MROH1: variants seen among roughly 807,000 people sequenced by gnomAD.
MROH1 encodes the protein maestro heat like repeat family member 1.
A neutral mutation model predicts 116.5 loss-of-function variants in MROH1; 117 were observed. That is an observed-to-expected ratio of 1.00 (90% CI 0.86 to 1.17). The LOEUF is 1.17. Among genes scored for constraint, MROH1 ranks in the 50% most tolerant of loss-of-function variants. The probability of loss-of-function intolerance (pLI) is 0.00; values close to 1 mark genes in which losing one functional copy is unlikely to be tolerated. For missense variants in MROH1, 1,873 were observed against 1,338.5 expected (o/e 1.40, Z -6.23); for synonymous variants, 921 against 583.9 (o/e 1.58, Z -8.32).
At chr8:144,233,477 C>G (rs1839369194) in intron 14 of MROH1, among the ~76,000 whole-genome samples, 1 of 151,208 alleles carries the variant, frequency 6.6e-6, no homozygotes, top group Non-Finnish European at 1.5e-5. Flanking sequence ...CCTTCTCTCT[C>G]CCGCAGCTCC....
intron 14 of MROH1, among the ~76,000 whole-genome samples, chr8:144,238,539 A>G (rs1327596397): frequency 6.6e-6 from 1 of 152,202 alleles, no homozygotes; most frequent in African/African-American, 2.4e-5. Context: ...GCAAATGCTC[A>G]AGGTTTTGTT....
chr8:144,251,087 G>A (rs1018762761), intron 33 of MROH1: 5 of 159,986 alleles, frequency 3.1e-5, no homozygotes, highest in South Asian at 3.4e-4. Context: ...CCTGGCAGGC[G>A]GGGGCATGAG....
At chr8:144,212,941 T>G (rs1344249843) in intron 12 of MROH1, 1 of 739,116 alleles carries the variant, frequency 1.4e-6, no homozygotes, top group Non-Finnish European at 2.6e-6. Flanking sequence ...GTTCTCAAGG[T>G]TAATAGAATT....
intron 36 of MROH1, 23 bp from the exon 37 acceptor site, chr8:144,259,217 C>T (rs922628836): frequency 2.5e-5 from 18 of 710,978 alleles, no homozygotes; most frequent in Non-Finnish European, 4.4e-5. Flanking sequence ...AGCCCCTGCA[C>T]CCTCAGCGGC....
At chr8:144,199,857 G>A (rs149947781) in intron 11 of MROH1, among the ~76,000 whole-genome samples, 78 of 152,358 alleles carry the variant, frequency 5.1e-4, no homozygotes, top group African/African-American at 1.8e-3. Flanking sequence ...ACTGACTGCA[G>A]CCAGGCTGGG....
chr8:144,179,660 C>T, intron 5 of MROH1, 74 bp downstream of exon 5: 3 of 1,535,416 alleles, frequency 2.0e-6, no homozygotes, highest in Non-Finnish European at 2.6e-6. Context: ...GGCCTTTCTA[C>T]CCAGCAGCCT....
rs1842357850 is a variant in MROH1, at chr8:144,248,839, C to T, written c.3121-38C>T. 3 of 772,144 alleles carry T rather than the reference C, an allele frequency of 3.9e-6. No homozygotes were observed. The Admixed American group carries it at 5.2e-5, about 13-fold the overall frequency. The allele number at this position is 772,144 out of a possible 1,614,324, so 47.8% of individuals were successfully genotyped here. A position where few individuals can be genotyped will look rare whatever the true frequency, so the allele number is the denominator to read the frequency against. On this transcript the variant is annotated intron_variant, in intron 31 of 43. Coordinates refer to ENST00000326134, the MANE Select transcript of MROH1 (RefSeq NM_032450.3). Reference sequence around the variant, plus strand: ...CTAACAGAAGTGGCGTTGGGGGTGCCCCCCTTCCCTCAACCTCTGGCATCG... The same window carrying T: ...CTAACAGAAGTGGCGTTGGGGGTGCTCCCCTTCCCTCAACCTCTGGCATCG...
chr8:144,156,571 T>C (rs1193473718), intron 1 of MROH1, among the ~76,000 whole-genome samples: 1 of 150,952 alleles, frequency 6.6e-6, no homozygotes, highest in Non-Finnish European at 1.5e-5. Context: ...TAGCCAGGCG[T>C]GATGGTGTGT....
chr8:144,219,816 C>G (rs1365098398), intron 12 of MROH1, among the ~76,000 whole-genome samples: 2 of 152,206 alleles, frequency 1.3e-5, no homozygotes, highest in Non-Finnish European at 2.9e-5. Context: ...CCAGGTGTGC[C>G]TGCATTGAGG....
At position 144,247,452 on chromosome 8, in the gene MROH1, G is replaced by A. The variant is rs906049096; in HGVS notation, c.3007+16G>A. 37 of 769,448 alleles carry A rather than the reference G, an allele frequency of 4.8e-5. No homozygotes were observed. In the African/African-American group the frequency reaches 5.1e-4, roughly 11 times the overall value. 47.7% of individuals were successfully genotyped at this position (769,448 alleles called of 1,614,324 possible). A position where few individuals can be genotyped will look rare whatever the true frequency, so the allele number is the denominator to read the frequency against. On this transcript the variant is annotated intron_variant, in intron 30 of 43. Coordinates refer to ENST00000326134, the MANE Select transcript of MROH1 (RefSeq NM_032450.3). The stretch of plus-strand genomic sequence containing the variant: ...GGCTATGAGGGTGAGCCCTCGTCAG[G>A]AGTGTGGGGGCCAGTGGTCGTGCAG...
chr8:144,185,172 G>A (rs1826643022), intron 7 of MROH1, among the ~76,000 whole-genome samples: 3 of 152,308 alleles, frequency 2.0e-5, no homozygotes, highest in South Asian at 4.1e-4. Flanking sequence ...CAGCCTGCCG[G>A]TTCCACTGGA....
rs962021422 is a variant in MROH1, at chr8:144,242,543, A to C, written c.2325+28A>C. 3.9e-3 allele frequency: 3,013 copies of C among 780,500 alleles called. 13 individuals carry two copies. The highest frequency in any genetic ancestry group is 0.011 in the South Asian group (851 of 74,612). The allele number at this position is 780,500 out of a possible 1,614,324, so 48.3% of individuals were successfully genotyped here. A position where few individuals can be genotyped will look rare whatever the true frequency, so the allele number is the denominator to read the frequency against. On this transcript the variant is annotated intron_variant, in intron 23 of 43. Transcript: ENST00000326134. Reference sequence around the variant, plus strand: ...GGGCACTGCGGTGGGCCTGCCACGCAGGGGAGCTGGGGCTGCCGGGGAGTC... The same window carrying C: ...GGGCACTGCGGTGGGCCTGCCACGCCGGGGAGCTGGGGCTGCCGGGGAGTC...
chr8:144,257,825 C>G (rs1844184781), intron 35 of MROH1, among the ~76,000 whole-genome samples: 1 of 152,252 alleles, frequency 6.6e-6, no homozygotes, highest in African/African-American at 2.4e-5. Context: ...GGGCCAGGTG[C>G]TCCTGAGGAC....
intron 7 of MROH1, among the ~76,000 whole-genome samples, chr8:144,190,561 C>CA (rs1018183664): frequency 4.6e-5 from 7 of 152,116 alleles, no homozygotes; most frequent in Non-Finnish European, 8.8e-5. Flanking sequence ...GACTCTGTCT[C>CA]AAAAAAAGTC....
At chr8:144,149,309 T>C (rs1816173495) in intron 1 of MROH1, among the ~76,000 whole-genome samples, 1 of 152,034 alleles carries the variant, frequency 6.6e-6, no homozygotes, top group South Asian at 2.1e-4. Flanking sequence ...TGGTCTCTCT[T>C]TGATGTCAGA....
chr8:144,169,496 G>A lies in MROH1; in HGVS notation c.168+1056G>A, dbSNP rs200550055. ...GAGATGGAGTCTCACTCTGTTGCCCGGGCTGGAGTGCAGTGGACCATCTCG... is the reference window on the plus strand; with the variant it reads ...GAGATGGAGTCTCACTCTGTTGCCCAGGCTGGAGTGCAGTGGACCATCTCG... On this transcript the variant is annotated intron_variant, in intron 4 of 43. Coordinates refer to ENST00000326134, the MANE Select transcript of MROH1 (RefSeq NM_032450.3). 6.8e-5 allele frequency among the ~76,000 whole-genome samples: 10 copies of A among 147,918 alleles called. No homozygotes were observed. The South Asian group carries it at 1.3e-3, about 19-fold the overall frequency.
At chr8:144,192,634 A>C in intron 10 of MROH1, 5 of 686,152 alleles carry the variant, frequency 7.3e-6, no homozygotes, top group Non-Finnish European at 1.3e-5. Flanking sequence ...TGGAGGTGGC[A>C]GGAGTGGGTG....
intron 33 of MROH1, chr8:144,254,308 G>T (rs900581934): frequency 6.5e-6 from 1 of 154,416 alleles, no homozygotes; most frequent in Non-Finnish European, 1.4e-5. Flanking sequence ...TTTCAAATTT[G>T]CTGTATCTGT....
chr8:144,239,353 G>T lies in MROH1; in HGVS notation c.1622G>T (p.Gly541Val). The change falls in exon 17 of 44, where the codon GGA becomes GTA. Residue 541 changes from glycine to valine, a missense_variant. Physicochemically the swap from Gly to Val is moderately radical, Grantham distance 109. Transcript: ENST00000326134. ...ASLPSPYAVT[G>V]RLLVVSSSPY... is the part of the protein sequence containing the mutation. Reference sequence around the variant, plus strand: ...CTCCCGTCTCCCTATGCTGTAACCGGAAGACTGTTGGTGAGCCTCGCCCTT... The same window carrying T: ...CTCCCGTCTCCCTATGCTGTAACCGTAAGACTGTTGGTGAGCCTCGCCCTT... 1 of 780,464 alleles carries T rather than the reference G, an allele frequency of 1.3e-6. No homozygotes were observed. The highest frequency in any genetic ancestry group is 2.4e-5 in the East Asian group (1 of 41,234). The allele number at this position is 780,464 out of a possible 1,614,324, so 48.3% of individuals were successfully genotyped here.
Sources: gnomAD v4.1 joint callset for allele counts (sites outside exome capture counted in the v4.1 genomes callset) on GRCh38, gnomAD v4.1.1 for gene constraint, MANE v1.5 for transcripts, NCBI Gene and HGNC (gene_info 2026-07-23, HGNC 2026-07-21) for gene names.